The following LRIF1 variants were observed in gnomAD, a reference collection of about 807,000 sequenced individuals.
The protein encoded by LRIF1 is ligand-dependent nuclear receptor-interacting factor 1.
LRIF1 carries 32 observed loss-of-function variants against 52.7 expected under a neutral mutation model. The ratio of observed to expected loss-of-function variants is 0.61; its 90% confidence interval spans 0.46 to 0.82. The LOEUF (loss-of-function observed/expected upper bound fraction) is 0.82. Among genes scored for constraint, LRIF1 ranks in the 40% least tolerant of loss-of-function variants. The pLI is 0.00. For missense variants in LRIF1, 887 were observed against 892.0 expected, an observed-to-expected ratio of 0.99 and a Z score of 0.07; for synonymous variants, 323 against 317.4, an observed-to-expected ratio of 1.02 and a Z score of -0.19.
At chr1:110,944,212 GGT>G (rs1050487520), downstream of LRIF1, 3 of 152,158 alleles carry the variant, frequency 2.0e-5, no homozygotes, top group African/African-American at 7.2e-5. Context: ...ATTTGTATTG[GGT>G]GTGAGGTGTG....
At chr1:110,932,087 G>C in the LRIF1 span, among the ~76,000 whole-genome samples, 1 of 152,136 alleles carries the variant, frequency 6.6e-6, no homozygotes, top group African/African-American at 2.4e-5. Context: ...GTATTGCCTA[G>C]ACTTTCTTCT....
the LRIF1 span, among the ~76,000 whole-genome samples, chr1:110,904,211 T>G: frequency 6.6e-6 from 1 of 152,326 alleles, no homozygotes; most frequent in East Asian, 1.9e-4. Flanking sequence ...CTTGGCACTC[T>G]GAAGAGAAGG....
chr1:110,906,216 A>G, the LRIF1 span, among the ~76,000 whole-genome samples: 1 of 152,194 alleles, frequency 6.6e-6, no homozygotes, highest in African/African-American at 2.4e-5. Flanking sequence ...TCAATATACT[A>G]AAGCCAACTG....
chr1:110,911,364 C>T, the LRIF1 span, among the ~76,000 whole-genome samples: 6,569 of 151,800 alleles, frequency 0.043, 448 homozygotes, highest in African/African-American at 0.15. Flanking sequence ...TTTTTAAAAT[C>T]CCTATCAACC....
At chr1:110,890,218 G>C in the LRIF1 span, among the ~76,000 whole-genome samples, 5 of 152,090 alleles carry the variant, frequency 3.3e-5, no homozygotes, top group African/African-American at 1.2e-4. Context: ...TATCAGTCCT[G>C]TGCACGGTTT....
At chr1:110,891,722 A>G in the LRIF1 span, among the ~76,000 whole-genome samples, 1 of 152,202 alleles carries the variant, frequency 6.6e-6, no homozygotes, top group African/African-American at 2.4e-5. Flanking sequence ...TTAGTTTACT[A>G]CTACTCGTAG....
At chr1:110,901,770 C>T in the LRIF1 span, among the ~76,000 whole-genome samples, 1 of 152,198 alleles carries the variant, frequency 6.6e-6, no homozygotes, top group Non-Finnish European at 1.5e-5. Context: ...GGCACCGTCC[C>T]CGGTGAGACA....
intron 1 of LRIF1, among the ~76,000 whole-genome samples, chr1:110,963,150 G>T (rs182480202): frequency 6.6e-6 from 1 of 152,002 alleles, no homozygotes; most frequent in South Asian, 2.1e-4. Flanking sequence ...TTAAATATTC[G>T]ATCTCCTCAT....
chr1:110,893,977 G>A, the LRIF1 span, among the ~76,000 whole-genome samples: 1 of 152,114 alleles, frequency 6.6e-6, no homozygotes, highest in South Asian at 2.1e-4. Context: ...AAAGGACCAG[G>A]CCCCAAATGA....
At chr1:110,954,593 A>T (rs1024930710) in intron 1 of LRIF1, among the ~76,000 whole-genome samples, 2 of 152,238 alleles carry the variant, frequency 1.3e-5, no homozygotes, top group East Asian at 1.9e-4. Context: ...TAAGAGGAAA[A>T]ATCTACCTTT....
chr1:110,891,533 C>A, the LRIF1 span: 1 of 1,296,898 alleles, frequency 7.7e-7, no homozygotes, highest in South Asian at 1.2e-5. Flanking sequence ...TCTCCTCATT[C>A]CTCTACTGAA....
the LRIF1 span, among the ~76,000 whole-genome samples, chr1:110,934,236 C>A: frequency 6.6e-6 from 1 of 152,196 alleles, no homozygotes; most frequent in South Asian, 2.1e-4. Flanking sequence ...CTGAGACTTG[C>A]TGGCTTCAGG....
chr1:110,893,185 C>T, the LRIF1 span, among the ~76,000 whole-genome samples: 104 of 152,370 alleles, frequency 6.8e-4, 1 homozygote, highest in African/African-American at 2.5e-3. Context: ...GTTCCCAGAA[C>T]AGAGCTTGGT....
At chr1:110,912,816 T>G in the LRIF1 span, among the ~76,000 whole-genome samples, 1 of 152,176 alleles carries the variant, frequency 6.6e-6, no homozygotes, top group South Asian at 2.1e-4. Flanking sequence ...TTTTACAGAA[T>G]TAGAAAATAC....
intron 1 of LRIF1, among the ~76,000 whole-genome samples, chr1:110,959,228 C>T (rs1658847737): frequency 1.3e-5 from 2 of 152,080 alleles, no homozygotes; most frequent in East Asian, 3.9e-4. Flanking sequence ...AAAAGAGGAA[C>T]ATATTAGAAA....
chr1:110,891,037 G>C, the LRIF1 span, among the ~76,000 whole-genome samples: 1 of 152,232 alleles, frequency 6.6e-6, no homozygotes, highest in African/African-American at 2.4e-5. Context: ...CTGACTTCAA[G>C]GGCTTAAGTG....
In LRIF1 at chr1:110,957,451, A is replaced by T. The variant is rs1057000722; in HGVS notation, c.69-4636T>A. 2.2e-5 allele frequency among the ~76,000 whole-genome samples: 3 copies of T among 137,188 alleles called. No individual in the cohort carries two copies. In the Admixed American group the frequency reaches 2.3e-4, roughly 10 times the overall value. The allele number at this position is 137,188 out of a possible 152,430, so 90.0% of individuals were successfully genotyped here. A position where few individuals can be genotyped will look rare whatever the true frequency, so the allele number is the denominator to read the frequency against. On this transcript the variant is annotated intron_variant, in intron 1 of 3. Coordinates refer to ENST00000369763, the MANE Select transcript of LRIF1 (RefSeq NM_018372.4). ...GCGCCACTGCACTCCAGCCTGGGCG[A>T]CAAAGCAAGACTCAGTCTCAAAAAA...
Position 110,951,418 on chromosome 1 carries a change from G to A in LRIF1, c.1466C>T (p.Pro489Leu). Residue 489 changes from proline to leucine, a missense_variant, in exon 2 of 4, where the codon CCC becomes CTC. Transcript: ENST00000369763. ...ATAAATGACGGCTGTTACTTTTCTGGGGGCATTGTGTCCTGTACTAAATCC... is the reference window on the plus strand; with the variant it reads ...ATAAATGACGGCTGTTACTTTTCTGAGGGCATTGTGTCCTGTACTAAATCC... ...PVGFSTGHNAPRKVTAVIYAR... is the reference protein window; with the variant it reads ...PVGFSTGHNALRKVTAVIYAR... The A allele has an allele frequency of 1.2e-6, 2 of 1,614,006 alleles. No individual in the cohort carries two copies. Among genetic ancestry groups the A allele is most frequent in the South Asian group, 1.1e-5 (1 of 91,066 alleles).
At chr1:110,925,845 A>G in the LRIF1 span, among the ~76,000 whole-genome samples, 1 of 152,166 alleles carries the variant, frequency 6.6e-6, no homozygotes, top group African/African-American at 2.4e-5. Context: ...TAGTCAATAT[A>G]CAAATGTAAA....
Sources: gnomAD v4.1 joint callset for allele counts (sites outside exome capture counted in the v4.1 genomes callset) on GRCh38, gnomAD v4.1.1 for gene constraint, MANE v1.5 for transcripts, NCBI Gene and HGNC (gene_info 2026-07-23, HGNC 2026-07-21) for gene names.